AFF4: variants seen among roughly 807,000 people sequenced by gnomAD.
The protein encoded by AFF4 is ALF transcription elongation factor 4, also known as AF4/FMR2 family member 4.
A neutral mutation model predicts 124.8 loss-of-function variants in AFF4; 13 were observed. The observed-to-expected ratio is 0.10, with a 90% CI of 0.07 to 0.17. AFF4 has a LOEUF of 0.17. Ranked by LOEUF, AFF4 falls within the 10% of genes least tolerant of loss-of-function variation. The pLI, the probability that AFF4 is intolerant of heterozygous loss-of-function variation, is 1.00. For synonymous variants in AFF4, 477 were observed against 496.1 expected, an observed-to-expected ratio of 0.96 and a Z score of 0.51; for missense variants, 1,092 against 1,403.8, an observed-to-expected ratio of 0.78 and a Z score of 3.55.
intron 1 of AFF4, among the ~76,000 whole-genome samples, chr5:132,953,304 A>T (rs1449852042): frequency 1.3e-5 from 2 of 152,042 alleles, no homozygotes; most frequent in African/African-American, 4.8e-5. Flanking sequence ...ACAGTGGTGC[A>T]ATCATAGTTC....
At chr5:132,941,910 G>C (rs1186255855) in intron 1 of AFF4, among the ~76,000 whole-genome samples, 1 of 151,818 alleles carries the variant, frequency 6.6e-6, no homozygotes, top group Non-Finnish European at 1.5e-5. Flanking sequence ...AGGAGGCTGA[G>C]GCAGGAGAAT....
rs963095030 is a variant in AFF4 at position 132,887,756 on chromosome 5, C to A, written c.2933+90G>T. 9 of 1,544,234 alleles carry A rather than the reference C, an allele frequency of 5.8e-6. No homozygotes were observed. In the African/African-American group the frequency reaches 8.2e-5, roughly 14 times the overall value. ...TCCAAGGACATTAAAGGATTATACA[C>A]CCTCTTCAGTTTACTATATATCAGC... On this transcript the variant is annotated intron_variant, in intron 16 of 20. Coordinates refer to ENST00000265343, the MANE Select transcript of AFF4 (RefSeq NM_014423.4).
rs1760482895 is a variant in AFF4, at chr5:132,899,074, C to G, written c.1226+30G>C. On this transcript the variant is annotated intron_variant, in intron 9 of 20. Coordinates refer to ENST00000265343, the MANE Select transcript of AFF4 (RefSeq NM_014423.4). ...GTTATCAGGCTGACCCAACTCTTAC[C>G]AATAAAACAGAAAAGAAAAGGATGC... The G allele has an allele frequency of 2.5e-6, 4 of 1,605,304 alleles. No individual in the cohort carries two copies. In the East Asian group the frequency reaches 6.7e-5, roughly 27 times the overall value.
At chr5:132,905,295 T>C (rs1321266510) in intron 5 of AFF4, among the ~76,000 whole-genome samples, 1 of 152,160 alleles carries the variant, frequency 6.6e-6, no homozygotes, top group African/African-American at 2.4e-5. Flanking sequence ...CAAACTCAAT[T>C]TTCATGACCA....
intron 11 of AFF4, among the ~76,000 whole-genome samples, chr5:132,893,497 A>C (rs1279253434): frequency 6.6e-6 from 1 of 152,200 alleles, no homozygotes; most frequent in Non-Finnish European, 1.5e-5. Flanking sequence ...TACCACAATG[A>C]AATTTTAATT....
intron 1 of AFF4, chr5:132,943,240 C>A (rs1761615711): frequency 1.1e-5 from 2 of 184,526 alleles, no homozygotes; most frequent in Non-Finnish European, 2.3e-5. Flanking sequence ...ACTTAGCCGC[C>A]CTACAAACAG....
chr5:132,915,631 G>A (rs978441146), intron 5 of AFF4, among the ~76,000 whole-genome samples: 4 of 142,440 alleles, frequency 2.8e-5, no homozygotes, highest in African/African-American at 7.8e-5. Flanking sequence ...GCAGTGGTAC[G>A]ATCTCGGATC....
At chr5:132,959,335 T>C (rs1762029814) in intron 1 of AFF4, among the ~76,000 whole-genome samples, 2 of 152,196 alleles carry the variant, frequency 1.3e-5, no homozygotes, top group Admixed American at 6.5e-5. Context: ...TTGTCCAGGA[T>C]TGTCTTGATC....
At chr5:132,950,707 C>T (rs1384574807) in intron 1 of AFF4, among the ~76,000 whole-genome samples, 1 of 151,916 alleles carries the variant, frequency 6.6e-6, no homozygotes, top group Non-Finnish European at 1.5e-5. Context: ...TATCAATCAA[C>T]CATCAACTTT....
intron 1 of AFF4, among the ~76,000 whole-genome samples, chr5:132,960,524 G>T (rs1439015768): frequency 6.6e-6 from 1 of 152,024 alleles, no homozygotes; most frequent in Non-Finnish European, 1.5e-5. Flanking sequence ...TTCCTCTCAG[G>T]TACACATAAA....
At chr5:132,954,816 G>A (rs1761918233) in intron 1 of AFF4, among the ~76,000 whole-genome samples, 4 of 152,042 alleles carry the variant, frequency 2.6e-5, no homozygotes, top group Admixed American at 2.6e-4. Flanking sequence ...CAAAGTGCTG[G>A]GATTACAGGC....
In AFF4 at chr5:132,902,441, C is replaced by T; in HGVS notation, c.1133+1G>A. 6.2e-7 allele frequency: 1 copy of T among 1,603,168 alleles called. No individual in the cohort carries two copies. Among genetic ancestry groups the T allele is most frequent in the South Asian group, 1.1e-5 (1 of 90,844 alleles). On this transcript the variant is annotated splice_donor_variant, in intron 7 of 20. Coordinates refer to ENST00000265343, the MANE Select transcript of AFF4 (RefSeq NM_014423.4). LOFTEE classifies it high-confidence loss of function. Reference sequence around the variant, plus strand: ...TTAAACTCATTAAGCAATAAACTTACGATTTAGACTGGTGCCCATTTGAAG... The same window carrying T: ...TTAAACTCATTAAGCAATAAACTTATGATTTAGACTGGTGCCCATTTGAAG...
chr5:132,952,667 G>T (rs1761872466), intron 1 of AFF4, among the ~76,000 whole-genome samples: 1 of 152,214 alleles, frequency 6.6e-6, no homozygotes, highest in African/African-American at 2.4e-5. Flanking sequence ...GCCAAGGCAG[G>T]CAGATCACTT....
At chr5:132,904,239 A>AC in intron 6 of AFF4, 129 bp downstream of exon 6, 1 of 883,186 alleles carries the variant, frequency 1.1e-6, no homozygotes, top group Non-Finnish European at 1.7e-6. Context: ...AAAAAAAAAA[A>AC]AAGAAAACAA....
intron 12 of AFF4, 37 bp from the exon 13 acceptor site, chr5:132,892,441 A>T (rs11739417): frequency 2.5e-6 from 4 of 1,583,042 alleles, no homozygotes; most frequent in Non-Finnish European, 3.4e-6. Context: ...TTCTCCACAC[A>T]GTAATACAGG....
chr5:132,905,004 C>T (rs1178460005), intron 5 of AFF4, among the ~76,000 whole-genome samples: 10 of 147,998 alleles, frequency 6.8e-5, no homozygotes, highest in African/African-American at 2.5e-4. Flanking sequence ...GAGCCGAGAT[C>T]GCGCCACTGC....
rs1009161532 is a variant in AFF4 at position 132,921,096 on chromosome 5, T to C, written c.1050+6025A>G. 5.6e-4 allele frequency among the ~76,000 whole-genome samples: 82 copies of C among 145,382 alleles called. 2 individuals are homozygous for C. Among genetic ancestry groups the C allele is most frequent in the Non-Finnish European group, 7.5e-5 (5 of 66,946 alleles). On this transcript the variant is annotated intron_variant, in intron 5 of 20. Transcript: ENST00000265343. ...GAGCCGAGATCGCGCCACTGCACTC[T>C]AGCCTGAGCGACAGAGCGAGACTCT...
In AFF4 at chr5:132,885,249, CGT is replaced by C. The variant is rs3835017; in HGVS notation, c.3100-132_3100-131del. The C allele has an allele frequency of 0.14, 49,526 of 359,390 alleles. 3,722 individuals are homozygous for C. The highest frequency in any genetic ancestry group is 0.35 in the East Asian group (7,430 of 21,152). The allele number at this position is 359,390 out of a possible 1,614,324, so 22.3% of individuals were successfully genotyped here. A position where few individuals can be genotyped will look rare whatever the true frequency, so the allele number is the denominator to read the frequency against. On this transcript the variant is annotated intron_variant, in intron 18 of 20. Coordinates refer to ENST00000265343, the MANE Select transcript of AFF4 (RefSeq NM_014423.4). The stretch of plus-strand genomic sequence containing the variant: ...TGTAAATATTTAAGACACCAAAATA[CGT>C]GTGTGTGTGTGTGTGTGTGTGTGTG...
intron 2 of AFF4, among the ~76,000 whole-genome samples, 196 bp from the exon 3 acceptor site, chr5:132,935,137 G>C (rs1761395686): frequency 1.3e-5 from 2 of 151,838 alleles, no homozygotes; most frequent in Non-Finnish European, 2.9e-5. Context: ...TCATTGAAAA[G>C]TGCCTAAAAA....
Sources: allele counts gnomAD v4.1 joint callset (sites outside exome capture counted in the v4.1 genomes callset), GRCh38; gene constraint gnomAD v4.1.1; transcripts MANE v1.5; gene names NCBI Gene and HGNC (gene_info 2026-07-23, HGNC 2026-07-21).